PPFIA2: variants seen among roughly 807,000 people sequenced by gnomAD.
PPFIA2 encodes liprin-alpha-2.
A neutral mutation model predicts 175.5 loss-of-function variants in PPFIA2; 46 were observed. That is an observed-to-expected ratio of 0.26 (90% CI 0.21 to 0.34). PPFIA2 has a LOEUF of 0.34. Among genes scored for constraint, PPFIA2 ranks in the 10% least tolerant of loss-of-function variants. The pLI, the probability that PPFIA2 is intolerant of heterozygous loss-of-function variation, is 1.00. For missense variants in PPFIA2, 1,179 were observed against 1,506.1 expected, an observed-to-expected ratio of 0.78 and a Z score of 3.60; for synonymous variants, 568 against 511.4, an observed-to-expected ratio of 1.11 and a Z score of -1.49.
At chr12:81,495,623 A>G (rs2059950754) in intron 4 of PPFIA2, among the ~76,000 whole-genome samples, 1 of 152,038 alleles carries the variant, frequency 6.6e-6, no homozygotes, top group African/African-American at 2.4e-5. Context: ...TGGGCAACAT[A>G]GTGAAACCCC....
chr12:81,577,635 A>G (rs1291192047), intron 4 of PPFIA2, among the ~76,000 whole-genome samples: 1 of 151,884 alleles, frequency 6.6e-6, no homozygotes, highest in Non-Finnish European at 1.5e-5. Flanking sequence ...AAATTAGAGT[A>G]TTTATGACAA....
chr12:81,684,844 T>C (rs2074201098), intron 3 of PPFIA2, among the ~76,000 whole-genome samples: 1 of 152,212 alleles, frequency 6.6e-6, no homozygotes, highest in African/African-American at 2.4e-5. Flanking sequence ...ACTAAGTTTC[T>C]ATATATTACA....
intron 4 of PPFIA2, among the ~76,000 whole-genome samples, chr12:81,533,692 A>AATCTATCTATCT (rs5799538): frequency 1.8e-3 from 266 of 144,422 alleles, no homozygotes; most frequent in Non-Finnish European, 2.1e-3. Flanking sequence ...TAAATTCACA[A>AATCTATCTATCT]ATCTATCTAT....
At chr12:81,454,213 G>A (rs1043160597) in intron 5 of PPFIA2, among the ~76,000 whole-genome samples, 20 of 152,136 alleles carry the variant, frequency 1.3e-4, no homozygotes, top group East Asian at 3.9e-4. Flanking sequence ...GTGAGACCTC[G>A]TCTCAAAAGA....
chr12:81,422,072 GTGTGTATATATATGTGTATATATA>G (rs1316893373), intron 7 of PPFIA2, among the ~76,000 whole-genome samples: 1 of 140,992 alleles, frequency 7.1e-6, no homozygotes, highest in African/African-American at 2.8e-5. Context: ...ATACGTGTGT[GTGTGTATATATATGTGTATATATA>G]TGTGTGTATA....
At chr12:81,607,456 G>A (rs1193120410) in intron 4 of PPFIA2, among the ~76,000 whole-genome samples, 1 of 152,052 alleles carries the variant, frequency 6.6e-6, no homozygotes, top group Non-Finnish European at 1.5e-5. Flanking sequence ...CCATTTATTT[G>A]TGTCATCTCT....
chr12:81,310,037 T>C (rs2050375693), intron 22 of PPFIA2, among the ~76,000 whole-genome samples: 1 of 152,098 alleles, frequency 6.6e-6, no homozygotes. Context: ...CTGGAGAATA[T>C]TGTAATTTTT....
At chr12:81,331,183 T>C (rs1300025438) in intron 21 of PPFIA2, among the ~76,000 whole-genome samples, 1 of 152,234 alleles carries the variant, frequency 6.6e-6, no homozygotes, top group Non-Finnish European at 1.5e-5. Context: ...AAAACTATAA[T>C]AGCATATTTT....
intron 21 of PPFIA2, among the ~76,000 whole-genome samples, chr12:81,337,596 C>A (rs1339718951): frequency 2.0e-5 from 3 of 151,870 alleles, no homozygotes; most frequent in Admixed American, 6.6e-5. Flanking sequence ...TTAGGAATTT[C>A]TCATCAAAGT....
chr12:81,558,129 A>T (rs978055351), intron 4 of PPFIA2, among the ~76,000 whole-genome samples: 3 of 152,186 alleles, frequency 2.0e-5, no homozygotes, highest in Non-Finnish European at 4.4e-5. Context: ...TTTATGAAAT[A>T]AAACTTTCTG....
chr12:81,427,485 A>G (rs1192263713), intron 7 of PPFIA2, among the ~76,000 whole-genome samples: 1 of 152,078 alleles, frequency 6.6e-6, no homozygotes, highest in Non-Finnish European at 1.5e-5. Context: ...AGATGCTATT[A>G]TTTTTATCAA....
intron 4 of PPFIA2, among the ~76,000 whole-genome samples, chr12:81,640,378 C>T (rs2064799764): frequency 1.3e-5 from 2 of 152,090 alleles, no homozygotes; most frequent in South Asian, 2.1e-4. Flanking sequence ...AAACTCAGAA[C>T]GACAAACAAC....
At chr12:81,461,224 A>G (rs145424601) in intron 4 of PPFIA2, among the ~76,000 whole-genome samples, 11 of 152,210 alleles carry the variant, frequency 7.2e-5, no homozygotes, top group South Asian at 2.1e-4. Flanking sequence ...ACCATTTTAC[A>G]TGAATAACTC....
At chr12:81,696,703 CT>C (rs1347915375) in intron 3 of PPFIA2, among the ~76,000 whole-genome samples, 3 of 151,954 alleles carry the variant, frequency 2.0e-5, no homozygotes, top group African/African-American at 7.3e-5. Context: ...GTTGTTCATA[CT>C]TTGCTTTTGA....
chr12:81,512,011 T>G (rs1162725680), intron 4 of PPFIA2, among the ~76,000 whole-genome samples: 1 of 152,144 alleles, frequency 6.6e-6, no homozygotes, highest in East Asian at 1.9e-4. Flanking sequence ...GAAAAACATT[T>G]AGCATATAAA....
intron 11 of PPFIA2, among the ~76,000 whole-genome samples, chr12:81,370,908 G>A (rs1441861424): frequency 6.6e-6 from 1 of 151,836 alleles, no homozygotes; most frequent in Non-Finnish European, 1.5e-5. Flanking sequence ...TTCTAAAACA[G>A]TGAAACTCAC....
At chr12:81,690,305 C>T (rs1195962262) in intron 3 of PPFIA2, among the ~76,000 whole-genome samples, 2 of 152,084 alleles carry the variant, frequency 1.3e-5, no homozygotes, top group Non-Finnish European at 2.9e-5. Flanking sequence ...GGAGCTACAT[C>T]AAGCCATGTG....
chr12:81,652,334 A>G (rs545489912), intron 4 of PPFIA2, among the ~76,000 whole-genome samples: 3 of 151,208 alleles, frequency 2.0e-5, no homozygotes, highest in African/African-American at 7.3e-5. Context: ...GTGGCCTTAC[A>G]AAGTTATCAT....
intron 4 of PPFIA2, among the ~76,000 whole-genome samples, chr12:81,518,324 C>T (rs2062709850): frequency 6.6e-6 from 1 of 152,120 alleles, no homozygotes; most frequent in South Asian, 2.1e-4. Flanking sequence ...ACAACAAGTA[C>T]ACCCCAATTC....
Sources: gnomAD v4.1 joint callset for allele counts (sites outside exome capture counted in the v4.1 genomes callset) on GRCh38, gnomAD v4.1.1 for gene constraint, MANE v1.5 for transcripts, NCBI Gene and HGNC (gene_info 2026-07-23, HGNC 2026-07-21) for gene names.